The following NIM1K variants were observed in gnomAD, a reference collection of about 807,000 sequenced individuals.
NIM1K encodes the protein NIM1 serine/threonine protein kinase, also known as serine/threonine-protein kinase NIM1.
Under a neutral mutation model 37.1 loss-of-function variants are expected in NIM1K, and 35 were observed. That is an observed-to-expected ratio of 0.94 (90% CI 0.72 to 1.25). NIM1K has a LOEUF of 1.25. Ranked by LOEUF, NIM1K falls within the 50% of genes most tolerant of loss-of-function variation. The pLI, the probability that NIM1K is intolerant of heterozygous loss-of-function variation, is 0.00. For missense variants in NIM1K, 564 were observed against 548.0 expected (o/e 1.03, Z -0.29); for synonymous variants, 234 against 206.6 (o/e 1.13, Z -1.14).
intron 1 of NIM1K, among the ~76,000 whole-genome samples, chr5:43,196,118 G>T (rs921619980): frequency 6.6e-6 from 1 of 151,972 alleles, no homozygotes; most frequent in East Asian, 1.9e-4. Flanking sequence ...CTGTCTTTTC[G>T]GGTCTCCTGA....
In NIM1K at chr5:43,277,061, G is replaced by C. The variant is rs757566092; in HGVS notation, c.297G>C (p.Lys99Asn). The change falls in exon 3 of 4, where the codon AAG (lysine) becomes AAC (asparagine). Residue 99 changes from lysine to asparagine, a missense_variant. By Grantham distance (94) the Lys-to-Asn change is moderately conservative. Coordinates refer to ENST00000326035, the MANE Select transcript of NIM1K (RefSeq NM_153361.4). ...TTTTACTTTTTTTCCTTGCAGAAAA[G>C]GTGGCCATTAAGATCCTGGACAAGA... Reference protein sequence around the residue: ...KLGIHSLTKEKVAIKILDKTK... With the variant: ...KLGIHSLTKENVAIKILDKTK... 6.2e-7 allele frequency: 1 copy of C among 1,612,632 alleles called. No homozygotes were observed. The highest frequency in any genetic ancestry group is 1.1e-5 in the South Asian group (1 of 90,774).
intron 2 of NIM1K, among the ~76,000 whole-genome samples, chr5:43,272,025 A>G (rs55939301): frequency 0.22 from 33,753 of 152,098 alleles, 3,853 homozygotes; most frequent in African/African-American, 0.25. Flanking sequence ...GCTGAGTGGT[A>G]TTCCACGTAT....
rs916640379 is a variant in NIM1K at position 43,238,963 on chromosome 5, C to T, written c.-694-6119C>T. On this transcript the variant is annotated intron_variant, in intron 1 of 3. Transcript: ENST00000326035. ...TTGAGGAGGGAAAGGCTGGCGGGGG[C>T]GGGGGGTGGGGTCTCACTGCTCTAA... is the stretch of plus-strand genomic sequence containing the variant. Among the ~76,000 whole-genome samples the T allele has an allele frequency of 1.1e-4, 6 of 55,586 alleles. No homozygotes were observed. In the South Asian group the frequency reaches 1.5e-3, roughly 14 times the overall value. The allele number at this position is 55,586 out of a possible 152,430, so 36.5% of individuals were successfully genotyped here. A position where few individuals can be genotyped will look rare whatever the true frequency, so the allele number is the denominator to read the frequency against.
intron 1 of NIM1K, among the ~76,000 whole-genome samples, chr5:43,201,724 G>A (rs1331872169): frequency 6.6e-6 from 1 of 152,052 alleles, no homozygotes; most frequent in African/African-American, 2.4e-5. Flanking sequence ...ACTGTGGGAG[G>A]CTGAGGTGGG....
intron 1 of NIM1K, among the ~76,000 whole-genome samples, chr5:43,203,514 A>G (rs892379129): frequency 6.6e-6 from 1 of 152,132 alleles, no homozygotes; most frequent in Non-Finnish European, 1.5e-5. Context: ...TTTTCTGTCC[A>G]TAAATCTTCC....
rs1349544977 is a variant in NIM1K, at chr5:43,280,368, A to G, written c.950A>G (p.Asp317Gly). 1.9e-6 allele frequency: 3 copies of G among 1,614,178 alleles called. No homozygotes were observed. Among genetic ancestry groups the G allele is most frequent in the Non-Finnish European group, 2.5e-6 (3 of 1,180,040 alleles). The change falls in exon 4 of 4, where the codon GAC (aspartate) becomes GGC (glycine). Residue 317 changes from aspartate to glycine, a missense_variant. By Grantham distance (94) the Asp-to-Gly change is moderately conservative. Transcript: ENST00000326035. ...ATCCCCACGGAGAGGTACGGAATCGACTGCATCATGAATGATGAATGGATG... is the reference window on the plus strand; with the variant it reads ...ATCCCCACGGAGAGGTACGGAATCGGCTGCATCATGAATGATGAATGGATG... ...QQIPTERYGI[D>G]CIMNDEWMQG...
intron 2 of NIM1K, among the ~76,000 whole-genome samples, chr5:43,247,044 CTT>C (rs917473981): frequency 6.6e-6 from 1 of 152,114 alleles, no homozygotes; most frequent in African/African-American, 2.4e-5. Flanking sequence ...TTAGAGTTGT[CTT>C]TTGCTTCCTT....
At chr5:43,274,906 A>T (rs891839692) in intron 2 of NIM1K, among the ~76,000 whole-genome samples, 6 of 152,160 alleles carry the variant, frequency 3.9e-5, no homozygotes, top group Non-Finnish European at 8.8e-5. Context: ...GTACTTTGGG[A>T]TCCTGTTCTG....
At chr5:43,267,712 A>T (rs1753186359) in intron 2 of NIM1K, among the ~76,000 whole-genome samples, 1 of 152,186 alleles carries the variant, frequency 6.6e-6, no homozygotes, top group African/African-American at 2.4e-5. Flanking sequence ...TTAACCCAAA[A>T]TTTATACAGG....
chr5:43,265,627 A>T (rs1463284480), intron 2 of NIM1K, among the ~76,000 whole-genome samples: 1 of 152,184 alleles, frequency 6.6e-6, no homozygotes, highest in Non-Finnish European at 1.5e-5. Context: ...CTCTCAACTC[A>T]TCAAATTCAT....
chr5:43,210,878 T>C (rs1752193752), intron 1 of NIM1K, among the ~76,000 whole-genome samples: 1 of 152,132 alleles, frequency 6.6e-6, no homozygotes, highest in African/African-American at 2.4e-5. Context: ...ACAGAAAGAA[T>C]GGGGACTTGG....
chr5:43,195,987 G>A (rs1413128448), intron 1 of NIM1K, among the ~76,000 whole-genome samples: 1 of 152,308 alleles, frequency 6.6e-6, no homozygotes, highest in East Asian at 1.9e-4. Context: ...AACACTGATG[G>A]TTTTCCAGAA....
chr5:43,230,108 C>T (rs1233804019), intron 1 of NIM1K, among the ~76,000 whole-genome samples: 1 of 152,142 alleles, frequency 6.6e-6, no homozygotes, highest in Non-Finnish European at 1.5e-5. Flanking sequence ...AAATGAAAGC[C>T]CTCTTGCACA....
chr5:43,232,836 C>G, intron 1 of NIM1K: 1 of 1,037,524 alleles, frequency 9.6e-7, no homozygotes, highest in East Asian at 2.4e-5. Context: ...CAGTGATCTC[C>G]TGGCCAATGG....
chr5:43,212,025 C>T (rs1752211424), intron 1 of NIM1K, among the ~76,000 whole-genome samples: 1 of 152,110 alleles, frequency 6.6e-6, no homozygotes, highest in Admixed American at 6.6e-5. Flanking sequence ...AGGATGATTA[C>T]CTAGATGCAT....
In NIM1K at chr5:43,280,184, G is replaced by A; in HGVS notation, c.766G>A (p.Ala256Thr). The A allele has an allele frequency of 6.2e-7, 1 of 1,614,162 alleles. No individual in the cohort carries two copies. The highest frequency in any genetic ancestry group is 8.5e-7 in the Non-Finnish European group (1 of 1,180,036). ...CATCGGCATTTACGTGGATATCTGG[G>A]CCTTGGGGGTGCTTTTGTACTTCAT... The part of the protein sequence containing the change: ...HYIGIYVDIW[A>T]LGVLLYFMVT... The change falls in exon 4 of 4, where the codon GCC becomes ACC. Residue 256 changes from alanine (A) to threonine (T), a missense_variant. Physicochemically the swap from Ala to Thr is moderately conservative, Grantham distance 58. Coordinates refer to ENST00000326035, the MANE Select transcript of NIM1K (RefSeq NM_153361.4).
At chr5:43,277,936 G>A (rs1379253872) in intron 3 of NIM1K, among the ~76,000 whole-genome samples, 2 of 151,650 alleles carry the variant, frequency 1.3e-5, no homozygotes, top group Admixed American at 6.6e-5. Flanking sequence ...ATTAACACTT[G>A]GTTGTGTCTT....
At chr5:43,238,073 C>T (rs1184031309) in intron 1 of NIM1K, among the ~76,000 whole-genome samples, 6 of 133,964 alleles carry the variant, frequency 4.5e-5, no homozygotes, top group Admixed American at 1.6e-4. Context: ...GATGGAGTCT[C>T]GCTCTGTCGC....
Position 43,277,314 on chromosome 5 carries a change from G to A in NIM1K, c.550G>A (p.Val184Met), listed in dbSNP as rs200635519. ...CATCTTCTCCCAGATTGTGTCTGCCGTGAAGCACATGGTGAGCAGGGGTGA... is the reference window on the plus strand; with the variant it reads ...CATCTTCTCCCAGATTGTGTCTGCCATGAAGCACATGGTGAGCAGGGGTGA... Reference protein sequence around the residue: ...KLIFSQIVSAVKHMHENQIIH... With the variant: ...KLIFSQIVSAMKHMHENQIIH... The change falls in exon 3 of 4, where the codon GTG (valine) becomes ATG (methionine). Residue 184 changes from valine (V) to methionine (M), a missense_variant. Physicochemically the swap from Val to Met is conservative, Grantham distance 21 (BLOSUM62 1). Transcript: ENST00000326035. 2.3e-5 allele frequency: 37 copies of A among 1,613,768 alleles called. 1 individual carries two copies. The highest frequency in any genetic ancestry group is 2.0e-4 in the Admixed American group (12 of 60,008).
Sources: gnomAD v4.1 joint callset for allele counts (sites outside exome capture counted in the v4.1 genomes callset) on GRCh38, gnomAD v4.1.1 for gene constraint, MANE v1.5 for transcripts, NCBI Gene and HGNC (gene_info 2026-07-23, HGNC 2026-07-21) for gene names.